Variants in ANO4 observed in about 807,000 individuals in gnomAD.
ANO4 encodes anoctamin 4.
A neutral mutation model predicts 141.9 loss-of-function variants in ANO4; 69 were observed. That is an observed-to-expected ratio of 0.49 (90% CI 0.40 to 0.59). ANO4 has a LOEUF of 0.59. ANO4 is among the 20% of genes least tolerant of loss of function. ANO4 has a pLI of 0.00. For synonymous variants in ANO4, 350 were observed against 394.3 expected (o/e 0.89, Z 1.33); for missense variants, 894 against 1,162.2 (o/e 0.77, Z 3.36).
Position 101,083,872 on chromosome 12 carries a change from A to G in ANO4, c.1536+54A>G, listed in dbSNP as rs1375879933. 3 of 1,430,548 alleles carry G rather than the reference A, an allele frequency of 2.1e-6. No individual in the cohort carries two copies. The Admixed American group carries it at 8.1e-5, about 39-fold the overall frequency. The allele number at this position is 1,430,548 out of a possible 1,614,324, so 88.6% of individuals were successfully genotyped here. ...TCATAAAATACAAACCTATAGCATA[A>G]TAACAGTAATCATATTGGGCATTTG... is the stretch of plus-strand genomic sequence containing the variant. On this transcript the variant is annotated intron_variant, in intron 16 of 27. Coordinates refer to ENST00000392977, the MANE Select transcript of ANO4 (RefSeq NM_001286615.2).
chr12:101,007,822 C>T (rs147289455), intron 8 of ANO4, among the ~76,000 whole-genome samples: 262 of 152,270 alleles, frequency 1.7e-3, no homozygotes, highest in Non-Finnish European at 2.5e-3. Context: ...TGGGCTCAAG[C>T]AGTCCTCCCA....
chr12:101,005,275 A>G (rs2045824428), intron 8 of ANO4, among the ~76,000 whole-genome samples: 1 of 152,190 alleles, frequency 6.6e-6, no homozygotes, highest in Non-Finnish European at 1.5e-5. Flanking sequence ...TAATTAGGAA[A>G]TATTTCCAGA....
intron 2 of ANO4, among the ~76,000 whole-genome samples, chr12:100,907,818 T>C (rs1190155408): frequency 6.6e-6 from 1 of 152,208 alleles, no homozygotes; most frequent in Non-Finnish European, 1.5e-5. Flanking sequence ...CTCTCCACTC[T>C]TAGAAACATT....
intron 3 of ANO4, among the ~76,000 whole-genome samples, chr12:100,766,114 T>G (rs1454471180): frequency 6.6e-6 from 1 of 152,178 alleles, no homozygotes. Flanking sequence ...AGTAAGATCA[T>G]GCAGTATTTG....
chr12:100,785,358 G>A (rs1243386132), intron 3 of ANO4, among the ~76,000 whole-genome samples: 1 of 152,148 alleles, frequency 6.6e-6, no homozygotes, highest in Non-Finnish European at 1.5e-5. Flanking sequence ...TTCATGCAGA[G>A]TAGTTTCACT....
At chr12:101,071,791 A>C (rs957633553) in intron 14 of ANO4, among the ~76,000 whole-genome samples, 3 of 152,204 alleles carry the variant, frequency 2.0e-5, no homozygotes, top group African/African-American at 7.2e-5. Flanking sequence ...CCTGTAGCAG[A>C]ATATCTCATG....
chr12:100,759,999 G>A (rs1290352289), intron 3 of ANO4, among the ~76,000 whole-genome samples: 1 of 152,192 alleles, frequency 6.6e-6, no homozygotes, highest in African/African-American at 2.4e-5. Context: ...CTCACCTGCA[G>A]ACATCAGACA....
chr12:100,869,964 G>GT (rs984709738), intron 1 of ANO4, among the ~76,000 whole-genome samples: 3 of 152,106 alleles, frequency 2.0e-5, no homozygotes, highest in African/African-American at 7.2e-5. Flanking sequence ...TTTGTTTTCT[G>GT]TTTTTTCCTG....
At chr12:101,120,929 C>T (rs577546590) in intron 26 of ANO4, among the ~76,000 whole-genome samples, 4 of 152,162 alleles carry the variant, frequency 2.6e-5, no homozygotes, top group Non-Finnish European at 5.9e-5. Context: ...CATCCTCACT[C>T]CCAGATATTC....
intron 1 of ANO4, among the ~76,000 whole-genome samples, chr12:100,899,926 A>G (rs748099730): frequency 6.6e-6 from 1 of 152,180 alleles, no homozygotes; most frequent in Admixed American, 6.5e-5. Flanking sequence ...AGGCTAATGA[A>G]CTTGCCTAGA....
At chr12:100,841,366 A>C (rs1269193263) in intron 1 of ANO4, among the ~76,000 whole-genome samples, 1 of 152,190 alleles carries the variant, frequency 6.6e-6, no homozygotes, top group Non-Finnish European at 1.5e-5. Flanking sequence ...GTATTCATTG[A>C]GTACCTGGTA....
At chr12:100,787,872 G>A (rs1008995315) in intron 3 of ANO4, among the ~76,000 whole-genome samples, 1 of 151,992 alleles carries the variant, frequency 6.6e-6, no homozygotes, top group Admixed American at 6.6e-5. Context: ...AAGCTTGGAG[G>A]AAAAAAAGCT....
intron 8 of ANO4, among the ~76,000 whole-genome samples, chr12:101,012,703 A>T (rs4764778): frequency 0.081 from 12,389 of 152,112 alleles, 529 homozygotes; most frequent in Middle Eastern, 0.12. Flanking sequence ...CATTTTTTTT[A>T]AAAAATCATT....
intron 3 of ANO4, among the ~76,000 whole-genome samples, chr12:100,785,769 A>G (rs1458481712): frequency 6.6e-6 from 1 of 152,214 alleles, no homozygotes; most frequent in Non-Finnish European, 1.5e-5. Flanking sequence ...ACCAAGGAGT[A>G]TGATTGCTGG....
At chr12:101,033,703 C>T (rs540887043) in intron 9 of ANO4, among the ~76,000 whole-genome samples, 5 of 152,096 alleles carry the variant, frequency 3.3e-5, no homozygotes, top group Non-Finnish European at 7.4e-5. Flanking sequence ...AGTGAACAGA[C>T]AATCTACAGA....
chr12:100,905,575 G>C (rs2040809245), intron 2 of ANO4, among the ~76,000 whole-genome samples: 1 of 152,192 alleles, frequency 6.6e-6, no homozygotes, highest in Non-Finnish European at 1.5e-5. Context: ...CGTTTTAGTG[G>C]AGTGGTGGGG....
intron 3 of ANO4, among the ~76,000 whole-genome samples, chr12:100,931,053 G>A (rs764166998): frequency 2.6e-5 from 4 of 152,112 alleles, no homozygotes; most frequent in Non-Finnish European, 5.9e-5. Flanking sequence ...TTTATTTTGA[G>A]TTTTTAAACT....
rs1255391627 is a variant in ANO4, at chr12:101,108,131, C to T, written c.2150-2273C>T. Among the ~76,000 whole-genome samples, 3 of 151,992 alleles carry T rather than the reference C, an allele frequency of 2.0e-5. No homozygotes were observed. The East Asian group carries it at 5.8e-4, about 29-fold the overall frequency. On this transcript the variant is annotated intron_variant, in intron 22 of 27. Transcript: ENST00000392977. ...ATTCCCTGAAAAGAGTCAGGGTTAG[C>T]GATAGAGAATTGAGAACCCTTATCA...
chr12:100,873,674 A>G (rs1390602544), intron 1 of ANO4, among the ~76,000 whole-genome samples: 1 of 152,214 alleles, frequency 6.6e-6, no homozygotes, highest in Admixed American at 6.5e-5. Flanking sequence ...CTTATATTTA[A>G]AAGGGAAGTA....
Sources: gnomAD v4.1 joint callset for allele counts (sites outside exome capture counted in the v4.1 genomes callset) on GRCh38, gnomAD v4.1.1 for gene constraint, MANE v1.5 for transcripts, NCBI Gene and HGNC (gene_info 2026-07-23, HGNC 2026-07-21) for gene names.